DHX35: variants seen among roughly 807,000 people sequenced by gnomAD.
The protein encoded by DHX35 is probable ATP-dependent RNA helicase DHX35.
In DHX35, 84 loss-of-function variants were observed where a neutral mutation model predicts 99.6. The observed-to-expected ratio is 0.84, with a 90% CI of 0.71 to 1.01. DHX35 has a LOEUF of 1.01. Ranked by LOEUF, DHX35 falls within the 50% of genes least tolerant of loss-of-function variation. The pLI is 0.00. For synonymous variants in DHX35, 331 were observed against 316.2 expected (o/e 1.05, Z -0.50); for missense variants, 852 against 888.5 (o/e 0.96, Z 0.52).
intron 12 of DHX35, among the ~76,000 whole-genome samples, chr20:39,009,976 T>C (rs1278528170): frequency 1.3e-5 from 2 of 152,216 alleles, no homozygotes; most frequent in African/African-American, 4.8e-5. Flanking sequence ...AACTGGGAAC[T>C]GATAGTGATT....
intron 19 of DHX35, 33 bp downstream of exon 19, chr20:39,028,532 AG>A: frequency 6.2e-7 from 1 of 1,606,426 alleles, no homozygotes; most frequent in African/African-American, 1.3e-5. Flanking sequence ...CATTTGTTAA[AG>A]GAACAATCTT....
chr20:38,965,718 G>C (rs1039869084), intron 1 of DHX35, among the ~76,000 whole-genome samples: 1 of 152,088 alleles, frequency 6.6e-6, no homozygotes, highest in Non-Finnish European at 1.5e-5. Context: ...TAGCATGTCT[G>C]GGTACCTTAA....
intron 4 of DHX35, among the ~76,000 whole-genome samples, chr20:38,986,507 CA>C (rs1306433341): frequency 6.6e-6 from 1 of 152,210 alleles, no homozygotes; most frequent in East Asian, 1.9e-4. Flanking sequence ...AATTTATGCT[CA>C]TTTTTTTAAA....
At position 39,003,857 on chromosome 20, in the gene DHX35, T is replaced by G. The variant is rs1333014051; in HGVS notation, c.961T>G (p.Ser321Ala). ...TCTCCCCATGTATGCAGGACTGCCT[T>G]CCTTTGAGCAAATGAAAGTGTTTGA... ...RVLPMYAGLPSFEQMKVFERV... is the reference protein window; with the variant it reads ...RVLPMYAGLPAFEQMKVFERV... The change falls in exon 11 of 22, where the codon TCC (serine) becomes GCC (alanine). Residue 321 changes from serine (S) to alanine (A), a missense_variant. Ser to Ala is a moderately conservative substitution (Grantham distance 99). Coordinates refer to ENST00000252011, the MANE Select transcript of DHX35 (RefSeq NM_021931.4). 6.2e-7 allele frequency: 1 copy of G among 1,614,196 alleles called. No homozygotes were observed. The highest frequency in any genetic ancestry group is 8.5e-7 in the Non-Finnish European group (1 of 1,180,032).
At chr20:39,024,228 A>G (rs2086916724) in intron 17 of DHX35, among the ~76,000 whole-genome samples, 1 of 152,242 alleles carries the variant, frequency 6.6e-6, no homozygotes, top group Non-Finnish European at 1.5e-5. Context: ...TCCCACCCAT[A>G]TTTAGCTATA....
intron 13 of DHX35, among the ~76,000 whole-genome samples, chr20:39,014,615 T>C (rs539351860): frequency 1.3e-5 from 2 of 152,200 alleles, no homozygotes; most frequent in Non-Finnish European, 2.9e-5. Context: ...GATAGGGACC[T>C]ATCACGTCTG....
At chr20:38,977,402 G>A (rs1427261616) in intron 3 of DHX35, among the ~76,000 whole-genome samples, 1 of 152,116 alleles carries the variant, frequency 6.6e-6, no homozygotes, top group Non-Finnish European at 1.5e-5. Context: ...CTTCTTTTGA[G>A]AAATGTCTAT....
chr20:39,009,952 A>G (rs937808090), intron 12 of DHX35, among the ~76,000 whole-genome samples: 5 of 152,104 alleles, frequency 3.3e-5, no homozygotes, highest in Non-Finnish European at 7.4e-5. Context: ...CTTATTCCAA[A>G]CAGAGATGGT....
At chr20:38,981,154 G>A (rs6028236) in intron 3 of DHX35, among the ~76,000 whole-genome samples, 57,409 of 151,996 alleles carry the variant, frequency 0.38, 11,428 homozygotes, top group Middle Eastern at 0.52. Context: ...GCTTTTGCCT[G>A]TGAAACTACT....
intron 21 of DHX35, among the ~76,000 whole-genome samples, chr20:39,036,288 C>A (rs1338871611): frequency 6.6e-6 from 1 of 152,164 alleles, no homozygotes; most frequent in Admixed American, 6.5e-5. Context: ...AGTTAAAGAG[C>A]AAATAGCTTC....
intron 2 of DHX35, among the ~76,000 whole-genome samples, chr20:38,971,364 C>T (rs935582916): frequency 1.3e-5 from 2 of 152,048 alleles, no homozygotes; most frequent in African/African-American, 4.8e-5. Flanking sequence ...AAAAACAAAA[C>T]AAAACAAAAC....
intron 17 of DHX35, among the ~76,000 whole-genome samples, chr20:39,024,853 G>A (rs762589896): frequency 6.6e-5 from 10 of 152,192 alleles, no homozygotes; most frequent in Non-Finnish European, 1.2e-4. Context: ...GTGTCATATT[G>A]TTGGCTTCTA....
chr20:38,988,678 A>G (rs1159523241), intron 4 of DHX35, 135 bp from the exon 5 acceptor site: 1 of 1,267,152 alleles, frequency 7.9e-7, no homozygotes, highest in Non-Finnish European at 1.1e-6. Flanking sequence ...TTGTTCTCTA[A>G]TAACTTGTCT....
Position 39,003,788 on chromosome 20 carries a change from G to A in DHX35, c.892G>A (p.Ala298Thr), listed in dbSNP as rs376780328. ...ETVVSMLIEQ[A>T]RALARTGMKR... ...TGTTGTGTCGATGCTCATCGAGCAG[G>A]CTCGAGCACTAGCTCGCACTGGGAT... The change falls in exon 11 of 22, where the codon GCT becomes ACT. Residue 298 changes from alanine (A) to threonine (T), a missense_variant. Transcript: ENST00000252011. 6.2e-7 allele frequency: 1 copy of A among 1,614,190 alleles called. No homozygotes were observed.
intron 11 of DHX35, among the ~76,000 whole-genome samples, chr20:39,004,833 G>A (rs1010692762): frequency 6.6e-6 from 1 of 152,158 alleles, no homozygotes; most frequent in East Asian, 1.9e-4. Context: ...AGCAGGTGAG[G>A]GATGGTCTGA....
intron 17 of DHX35, among the ~76,000 whole-genome samples, chr20:39,024,750 T>G (rs1191693760): frequency 2.0e-5 from 3 of 152,260 alleles, no homozygotes; most frequent in Non-Finnish European, 2.9e-5. Context: ...ATGATCATAC[T>G]TATGAATGCA....
At chr20:39,015,829 A>G (rs2086776635) in intron 14 of DHX35, among the ~76,000 whole-genome samples, 1 of 152,154 alleles carries the variant, frequency 6.6e-6, no homozygotes, top group Non-Finnish European at 1.5e-5. Flanking sequence ...TTTACCCATT[A>G]GCGCCGAACT....
intron 16 of DHX35, 80 bp from the exon 17 acceptor site, chr20:39,023,610 C>G: frequency 7.2e-7 from 1 of 1,382,316 alleles, no homozygotes. Context: ...ACCTTAGCCT[C>G]ACCAAATGCT....
intron 13 of DHX35, among the ~76,000 whole-genome samples, chr20:39,013,453 T>C (rs1440531198): frequency 1.3e-5 from 2 of 152,216 alleles, no homozygotes; most frequent in African/African-American, 2.4e-5. Flanking sequence ...ATTCCAGATA[T>C]GTTAAAACAG....
Sources: allele counts gnomAD v4.1 joint callset (sites outside exome capture counted in the v4.1 genomes callset), GRCh38; gene constraint gnomAD v4.1.1; transcripts MANE v1.5; gene names NCBI Gene and HGNC (gene_info 2026-07-23, HGNC 2026-07-21).